Variants in PLA2G4A observed in about 807,000 individuals in gnomAD.
PLA2G4A encodes cytosolic phospholipase A2.
A neutral mutation model predicts 81.9 loss-of-function variants in PLA2G4A; 40 were observed. The observed-to-expected ratio is 0.49, with a 90% CI of 0.38 to 0.64. The LOEUF is 0.64. PLA2G4A is among the 30% of genes least tolerant of loss of function. The pLI, the probability that PLA2G4A is intolerant of heterozygous loss-of-function variation, is 0.00. For synonymous variants in PLA2G4A, 302 were observed against 296.9 expected, an observed-to-expected ratio of 1.02 and a Z score of -0.18; for missense variants, 715 against 905.1, an observed-to-expected ratio of 0.79 and a Z score of 2.69.
intron 2 of PLA2G4A, among the ~76,000 whole-genome samples, chr1:186,858,279 A>G (rs1652666287): frequency 6.6e-6 from 1 of 152,004 alleles, no homozygotes; most frequent in Admixed American, 6.6e-5. Context: ...TTGTTTCCTG[A>G]GTTTTTTATG....
intron 12 of PLA2G4A, among the ~76,000 whole-genome samples, chr1:186,950,094 GGTT>G (rs1293229608): frequency 6.6e-6 from 1 of 152,026 alleles, no homozygotes; most frequent in East Asian, 1.9e-4. Flanking sequence ...AAGGATTTCT[GGTT>G]GTTATTTTAG....
Position 186,980,047 on chromosome 1 carries a change from A to T in PLA2G4A, c.2118+575A>T, listed in dbSNP as rs12720695. ...ACTGCAAGCTCCGCCTCCCAGGTTCACGCCATTCTCCTGCCTCAGCCTCCC... is the reference window on the plus strand; with the variant it reads ...ACTGCAAGCTCCGCCTCCCAGGTTCTCGCCATTCTCCTGCCTCAGCCTCCC... On this transcript the variant is annotated intron_variant, in intron 17 of 17. Transcript: ENST00000367466. Among the ~76,000 whole-genome samples, 247 of 139,734 alleles carry T rather than the reference A, an allele frequency of 1.8e-3. 2 individuals carry two copies. Among genetic ancestry groups the T allele is most frequent in the African/African-American group, 6.3e-3 (239 of 37,922 alleles). The allele number at this position is 139,734 out of a possible 152,430, so 91.7% of individuals were successfully genotyped here. A position where few individuals can be genotyped will look rare whatever the true frequency, so the allele number is the denominator to read the frequency against.
intron 2 of PLA2G4A, 111 bp from the exon 3 acceptor site, chr1:186,870,324 C>G: frequency 1.4e-6 from 1 of 720,842 alleles, no homozygotes; most frequent in Non-Finnish European, 2.5e-6. Flanking sequence ...AAGAATGTTT[C>G]TGGTATGCAT....
chr1:186,847,465 G>A (rs1012896822), intron 1 of PLA2G4A, among the ~76,000 whole-genome samples: 2 of 151,360 alleles, frequency 1.3e-5, no homozygotes, highest in African/African-American at 2.4e-5. Context: ...CACATTCCTC[G>A]TTCTGCCATT....
chr1:186,893,877 T>A (rs1224754200), intron 4 of PLA2G4A, among the ~76,000 whole-genome samples: 1 of 135,096 alleles, frequency 7.4e-6, no homozygotes, highest in Non-Finnish European at 1.5e-5. Flanking sequence ...TGAGCCGAGA[T>A]CCCGCCACTG....
intron 7 of PLA2G4A, among the ~76,000 whole-genome samples, chr1:186,918,889 C>T (rs1053817458): frequency 2.0e-5 from 3 of 152,160 alleles, no homozygotes; most frequent in Non-Finnish European, 4.4e-5. Context: ...CAGGTTTTGC[C>T]CAAGGGTTAG....
chr1:186,856,675 T>C (rs78020995), intron 2 of PLA2G4A, among the ~76,000 whole-genome samples: 1,708 of 152,054 alleles, frequency 0.011, 21 homozygotes, highest in African/African-American at 0.04. Context: ...AACCATAAGA[T>C]AATGTAAGCC....
intron 2 of PLA2G4A, among the ~76,000 whole-genome samples, chr1:186,858,706 G>A (rs1050432967): frequency 9.2e-5 from 14 of 151,986 alleles, no homozygotes; most frequent in Non-Finnish European, 1.8e-4. Flanking sequence ...TACCTATGTG[G>A]TAATATTATA....
At chr1:186,861,121 G>A (rs1161551128) in intron 2 of PLA2G4A, among the ~76,000 whole-genome samples, 2 of 152,126 alleles carry the variant, frequency 1.3e-5, no homozygotes, top group Admixed American at 1.3e-4. Context: ...CAGGCCCCTG[G>A]GGACACTAGC....
intron 9 of PLA2G4A, 50 bp from the exon 10 acceptor site, chr1:186,939,929 CT>C (rs1557883871): frequency 1.2e-6 from 1 of 844,020 alleles, no homozygotes; most frequent in Non-Finnish European, 2.1e-6. Context: ...AGCATTCTTT[CT>C]GTGTCTGTTT....
rs182308744 is a variant in PLA2G4A, at chr1:186,863,172, C to T, written c.34-7263C>T. Among the ~76,000 whole-genome samples, 366 of 152,226 alleles carry T rather than the reference C, an allele frequency of 2.4e-3. 1 individual carries two copies. The highest frequency in any genetic ancestry group is 8.4e-3 in the African/African-American group (347 of 41,548). On this transcript the variant is annotated intron_variant, in intron 2 of 17. Coordinates refer to ENST00000367466, the MANE Select transcript of PLA2G4A (RefSeq NM_024420.3). ...CTGGCCTCGAACTCCTGGGCTCAAG[C>T]GATCCTTCTGTCTGAGCCTCTCAGG...
chr1:186,944,489 G>A (rs935244408), intron 10 of PLA2G4A, among the ~76,000 whole-genome samples: 8 of 152,106 alleles, frequency 5.3e-5, no homozygotes, highest in African/African-American at 1.9e-4. Flanking sequence ...TATGAATACA[G>A]GAATTTTCCT....
At position 186,951,515 on chromosome 1, in the gene PLA2G4A, CT is replaced by C. The variant is rs1656561509; in HGVS notation, c.1336+790del. Reference sequence around the variant, plus strand: ...AACAAAAAACAAAACAAAGGGAAGGCTTTATAAGAACTGGATATATCTGTCC... The same window carrying C: ...AACAAAAAACAAAACAAAGGGAAGGCTTATAAGAACTGGATATATCTGTCC... On this transcript the variant is annotated intron_variant, in intron 13 of 17. Coordinates refer to ENST00000367466, the MANE Select transcript of PLA2G4A (RefSeq NM_024420.3). Among the ~76,000 whole-genome samples, 3 of 151,680 alleles carry C rather than the reference CT, an allele frequency of 2.0e-5. No homozygotes were observed. In the South Asian group the frequency reaches 6.2e-4, roughly 32 times the overall value.
At chr1:186,902,267 C>G (rs565346209) in intron 5 of PLA2G4A, among the ~76,000 whole-genome samples, 1 of 152,258 alleles carries the variant, frequency 6.6e-6, no homozygotes, top group African/African-American at 2.4e-5. Context: ...ATCATTAAAA[C>G]ATCACTATGC....
Position 186,956,108 on chromosome 1 carries a change from A to G in PLA2G4A, c.1343A>G (p.Glu448Gly), listed in dbSNP as rs966144451. The change falls in exon 14 of 18, where the codon GAA (glutamate) becomes GGA (glycine). Residue 448 changes from glutamate to glycine, a missense_variant. By Grantham distance (98) the Glu-to-Gly change is moderately conservative (BLOSUM62 -2). Coordinates refer to ENST00000367466, the MANE Select transcript of PLA2G4A (RefSeq NM_024420.3). ...ACCTTTTATTTTTCCCTAGGCACTG[A>G]AAATGAAGATGCTGGAAGTGACTAT... ...DDESHEPKGT[E>G]NEDAGSDYQS... 5 of 1,613,128 alleles carry G rather than the reference A, an allele frequency of 3.1e-6. No individual in the cohort carries two copies. Among genetic ancestry groups the G allele is most frequent in the Admixed American group, 3.3e-5 (2 of 59,994 alleles).
chr1:186,970,541 A>G (rs1484176044), intron 15 of PLA2G4A, among the ~76,000 whole-genome samples: 3 of 151,842 alleles, frequency 2.0e-5, no homozygotes, highest in Non-Finnish European at 4.4e-5. Flanking sequence ...TAGCTTTAGG[A>G]CTTAGATGTT....
intron 2 of PLA2G4A, among the ~76,000 whole-genome samples, chr1:186,856,299 A>G (rs1003181680): frequency 3.3e-5 from 5 of 151,632 alleles, no homozygotes; most frequent in Middle Eastern, 3.2e-3. Context: ...GTGTGTATAT[A>G]TATATATACA....
At chr1:186,956,386 T>A in intron 14 of PLA2G4A, 42 bp downstream of exon 14, 3 of 1,552,558 alleles carry the variant, frequency 1.9e-6, no homozygotes, top group Non-Finnish European at 2.7e-6. Context: ...ATGCAGGAGA[T>A]CTTTATTCCT....
chr1:186,890,480 CTTT>C (rs1654095134), intron 3 of PLA2G4A, among the ~76,000 whole-genome samples: 1 of 152,146 alleles, frequency 6.6e-6, no homozygotes, highest in African/African-American at 2.4e-5. Context: ...AAAATAATTT[CTTT>C]ATTTGCAATT....
Sources: gnomAD v4.1 joint callset for allele counts (sites outside exome capture counted in the v4.1 genomes callset) on GRCh38, gnomAD v4.1.1 for gene constraint, MANE v1.5 for transcripts, NCBI Gene and HGNC (gene_info 2026-07-23, HGNC 2026-07-21) for gene names.